The following DDR1 variants were observed in gnomAD, a reference collection of about 807,000 sequenced individuals.
DDR1 encodes the protein epithelial discoidin domain-containing receptor 1.
A neutral mutation model predicts 97.4 loss-of-function variants in DDR1; 64 were observed. The observed-to-expected ratio is 0.66, with a 90% confidence interval of 0.54 to 0.81. DDR1 has a LOEUF of 0.81. Ranked by LOEUF, DDR1 falls within the 30% of genes least tolerant of loss-of-function variation. The pLI is 0.00. For missense variants in DDR1, 990 were observed against 1,259.6 expected (o/e 0.79, Z 3.24); for synonymous variants, 458 against 503.7 (o/e 0.91, Z 1.21).
intron 1 of DDR1, among the ~76,000 whole-genome samples, chr6:30,887,957 AG>A (rs1322287229): frequency 6.6e-6 from 1 of 152,124 alleles, no homozygotes; most frequent in Non-Finnish European, 1.5e-5. Flanking sequence ...TGGGTCGAAG[AG>A]GATGTGCATT....
rs2150481790 is a variant in DDR1 at position 30,899,176 on chromosome 6, T to G, written c.2622T>G (p.Pro874=). The G allele has an allele frequency of 4.3e-6, 7 of 1,614,212 alleles. No homozygotes were observed. The highest frequency in any genetic ancestry group is 5.9e-6 in the Non-Finnish European group (7 of 1,180,016). ...TGCAGGTGTACCTGTCCCGGCCGCC[T>G]GCCTGCCCGCAGGGCCTATATGAGC... The part of the protein sequence containing the change: ...QGRQVYLSRP[P]ACPQGLYELM... The change falls in exon 18 of 18, where the codon CCT becomes CCG. Residue 874 remains proline, a synonymous_variant. Transcript: ENST00000376568.
In DDR1 at chr6:30,899,962, A is replaced by G; in HGVS notation, c.*666A>G. 1 of 565,192 alleles carries G rather than the reference A, an allele frequency of 1.8e-6. No individual in the cohort carries two copies. Among genetic ancestry groups the G allele is most frequent in the Non-Finnish European group, 3.4e-6 (1 of 291,978 alleles). 35.0% of individuals were successfully genotyped at this position (565,192 alleles called of 1,614,324 possible). A position where few individuals can be genotyped will look rare whatever the true frequency, so the allele number is the denominator to read the frequency against. On this transcript the variant is annotated 3_prime_UTR_variant, in exon 18 of 18. Coordinates refer to ENST00000376568, the MANE Select transcript of DDR1 (RefSeq NM_001297654.2). ...GTAAATATTGGGATTGGGGGGAAAG[A>G]GGGAGCAACGGCCCATAGCCTTGGG... is the stretch of plus-strand genomic sequence containing the variant.
chr6:30,895,559 T>A, intron 12 of DDR1, 45 bp downstream of exon 12: 1 of 1,256,540 alleles, frequency 8.0e-7, no homozygotes, highest in Non-Finnish European at 1.1e-6. Context: ...CCCATACCTC[T>A]ACTGGGGCAG....
rs757562862 is a variant in DDR1 at position 30,899,134 on chromosome 6, C to T, written c.2602-22C>T. 338 of 1,614,086 alleles carry T rather than the reference C, an allele frequency of 2.1e-4. 1 individual carries two copies. Among genetic ancestry groups the T allele is most frequent in the Non-Finnish European group, 2.8e-4 (330 of 1,180,024 alleles). On this transcript the variant is annotated intron_variant, in intron 17 of 17. Transcript: ENST00000376568. Reference sequence around the variant, plus strand: ...TAAAGAATATTTGTTCCCTGACTCTCATCCACACTGCCACAATGCAGGTGT... The same window carrying T: ...TAAAGAATATTTGTTCCCTGACTCTTATCCACACTGCCACAATGCAGGTGT...
At position 30,890,661 on chromosome 6, in the gene DDR1, G is replaced by A; in HGVS notation, c.418-312G>A. On this transcript the variant is annotated intron_variant, in intron 4 of 17. Transcript: ENST00000376568. This position sits in a 1 kb window ranked among gnomAD's most constrained non-coding sequence, Gnocchi z 5.0. ...CTGAGGCAGGGGTGCAGGGCTGTGA[G>A]GATTGGGGAGAATCTGGGCACAATG... The A allele has an allele frequency of 2.8e-6, 1 of 360,810 alleles. No homozygotes were observed. Among genetic ancestry groups the A allele is most frequent in the Non-Finnish European group, 4.9e-6 (1 of 202,776 alleles). 22.4% of individuals were successfully genotyped at this position (360,810 alleles called of 1,614,324 possible).
rs534121673 is a variant in DDR1, at chr6:30,888,609, C to A, written c.-42-79C>A. On this transcript the variant is annotated intron_variant, in intron 1 of 17. Transcript: ENST00000376568. This position sits in a 1 kb window ranked among gnomAD's most constrained non-coding sequence, Gnocchi z 4.2. ...TGTTTTACTGTTATTATCCCCAAAG[C>A]GGCCCATTCTGTCTGTTGCTGTCAG... 1.4e-6 allele frequency: 2 copies of A among 1,454,076 alleles called. No individual in the cohort carries two copies. Among genetic ancestry groups the A allele is most frequent in the Non-Finnish European group, 1.9e-6 (2 of 1,079,278 alleles). The allele number at this position is 1,454,076 out of a possible 1,614,324, so 90.1% of individuals were successfully genotyped here.
At position 30,886,481 on chromosome 6, in the gene DDR1, G is replaced by C. The variant is rs574897218; in HGVS notation, c.-43+1771G>C. ...CGTCCCCCTCAGCTGCTGCTTCAGAGCTCTGGGGTCTCAGCTGCCTCTTAC... is the reference window on the plus strand; with the variant it reads ...CGTCCCCCTCAGCTGCTGCTTCAGACCTCTGGGGTCTCAGCTGCCTCTTAC... On this transcript the variant is annotated intron_variant, in intron 1 of 17. Transcript: ENST00000376568. The surrounding 1 kb of genome is among the most constrained non-coding windows in gnomAD (Gnocchi z 4.6). Among the ~76,000 whole-genome samples, 17 of 152,322 alleles carry C rather than the reference G, an allele frequency of 1.1e-4. No homozygotes were observed. The highest frequency in any genetic ancestry group is 1.0e-3 in the Admixed American group (16 of 15,310).
intron 8 of DDR1, chr6:30,892,813 T>C (rs989961575): frequency 1.7e-6 from 1 of 585,758 alleles, no homozygotes; most frequent in African/African-American, 1.9e-5. Flanking sequence ...TACTTCTGTA[T>C]TAGTTGAGAA....
At chr6:30,896,465 G>A (rs1790788606) in intron 12 of DDR1, among the ~76,000 whole-genome samples, 156 bp from the exon 13 acceptor site, 1 of 152,118 alleles carries the variant, frequency 6.6e-6, no homozygotes, top group Admixed American at 6.5e-5. Context: ...CCTGGTTTGA[G>A]GTTGGCGCAT....
Position 30,888,760 on chromosome 6 carries a change from C to T in DDR1, c.31C>T (p.Leu11=), listed in dbSNP as rs967623918. 6.2e-7 allele frequency: 1 copy of T among 1,613,006 alleles called. No individual in the cohort carries two copies. Among genetic ancestry groups the T allele is most frequent in the Non-Finnish European group, 8.5e-7 (1 of 1,180,010 alleles). Reference sequence around the variant, plus strand: ...ACCAGAGGCCCTGTCATCTTTACTGCTGCTGCTCTTGGTGGCAAGTGGAGA... The same window carrying T: ...ACCAGAGGCCCTGTCATCTTTACTGTTGCTGCTCTTGGTGGCAAGTGGAGA... The part of the protein sequence containing the change: MGPEALSSLL[L]LLLVASGDAD... The change falls in exon 2 of 18, where the codon CTG becomes TTG. Residue 11 remains leucine (L), a synonymous_variant. Coordinates refer to ENST00000376568, the MANE Select transcript of DDR1 (RefSeq NM_001297654.2). The surrounding 1 kb of genome is among the most constrained non-coding windows in gnomAD (Gnocchi z 4.2).
At position 30,891,866 on chromosome 6, in the gene DDR1, G is replaced by A; in HGVS notation, c.666-136G>A. ...GAAGGGCCAGCTGCATGAGTGTGAG[G>A]TGGGATGGGAATGGGACTAGTGGAT... On this transcript the variant is annotated intron_variant, in intron 6 of 17. Transcript: ENST00000376568. This position sits in a 1 kb window ranked among gnomAD's most constrained non-coding sequence, Gnocchi z 5.3. The A allele has an allele frequency of 1.1e-6, 1 of 918,180 alleles. No homozygotes were observed. The highest frequency in any genetic ancestry group is 1.5e-5 in the South Asian group (1 of 66,858). 56.9% of individuals were successfully genotyped at this position (918,180 alleles called of 1,614,324 possible). A position where few individuals can be genotyped will look rare whatever the true frequency, so the allele number is the denominator to read the frequency against.
chr6:30,888,592 T>C lies in DDR1; in HGVS notation c.-42-96T>C. ...ACAATGACTGTTGTTGTTGTTTTACTGTTATTATCCCCAAAGCGGCCCATT... is the reference window on the plus strand; with the variant it reads ...ACAATGACTGTTGTTGTTGTTTTACCGTTATTATCCCCAAAGCGGCCCATT... On this transcript the variant is annotated intron_variant, in intron 1 of 17. Transcript: ENST00000376568. This position sits in a 1 kb window ranked among gnomAD's most constrained non-coding sequence, Gnocchi z 4.2. 1 of 1,342,238 alleles carries C rather than the reference T, an allele frequency of 7.5e-7. No individual in the cohort carries two copies. The highest frequency in any genetic ancestry group is 1.0e-6 in the Non-Finnish European group (1 of 992,106). 83.1% of individuals were successfully genotyped at this position (1,342,238 alleles called of 1,614,324 possible).
rs1562384812 is a variant in DDR1, at chr6:30,891,551, G to GTGTGTGTGTGTT, written c.665+78_665+79insTGTGTTTGTGTG. 1.1e-5 allele frequency: 10 copies of GTGTGTGTGTGTT among 951,356 alleles called. No homozygotes were observed. The African/African-American group carries it at 1.3e-4, about 12-fold the overall frequency. 58.9% of individuals were successfully genotyped at this position (951,356 alleles called of 1,614,324 possible). On this transcript the variant is annotated intron_variant, in intron 6 of 17. Coordinates refer to ENST00000376568, the MANE Select transcript of DDR1 (RefSeq NM_001297654.2). This position sits in a 1 kb window ranked among gnomAD's most constrained non-coding sequence, Gnocchi z 5.3. ...ACTGTGTGTGTGTGTGTGTGTGTGT[G>GTGTGTGTGTGTT]TGTGTGAGAGTGTGTGTGTGTAGGG...
rs768441514 is a variant in DDR1 at position 30,897,661 on chromosome 6, C to T, written c.2216+64C>T. 65 of 1,364,720 alleles carry T rather than the reference C, an allele frequency of 4.8e-5. No homozygotes were observed. The highest frequency in any genetic ancestry group is 6.1e-5 in the Non-Finnish European group (60 of 988,564). 84.5% of individuals were successfully genotyped at this position (1,364,720 alleles called of 1,614,324 possible). On this transcript the variant is annotated intron_variant, in intron 15 of 17. Transcript: ENST00000376568. This position sits in a 1 kb window ranked among gnomAD's most constrained non-coding sequence, Gnocchi z 5.2. Reference sequence around the variant, plus strand: ...CCCAGGGGATCTCCTCCTCTCCCCTCGCTTCAGCCTGGAGGAAAAGAGGGG... The same window carrying T: ...CCCAGGGGATCTCCTCCTCTCCCCTTGCTTCAGCCTGGAGGAAAAGAGGGG...
At chr6:30,893,958 T>A (rs891842881) in intron 10 of DDR1, among the ~76,000 whole-genome samples, 2 of 152,074 alleles carry the variant, frequency 1.3e-5, no homozygotes, top group Non-Finnish European at 2.9e-5. Context: ...TAATGTACAT[T>A]AAGGTTGATG....
Position 30,891,194 on chromosome 6 carries a change from A to G in DDR1, c.565+74A>G. The G allele has an allele frequency of 6.3e-7, 1 of 1,578,102 alleles. No homozygotes were observed. The highest frequency in any genetic ancestry group is 8.6e-7 in the Non-Finnish European group (1 of 1,158,618). Reference sequence around the variant, plus strand: ...AGGGTGGGGAGTGTGGAGAATGGGCATCCAGGATCCCTTCTCCTGCTGGGA... The same window carrying G: ...AGGGTGGGGAGTGTGGAGAATGGGCGTCCAGGATCCCTTCTCCTGCTGGGA... On this transcript the variant is annotated intron_variant, in intron 5 of 17. Transcript: ENST00000376568. This position sits in a 1 kb window ranked among gnomAD's most constrained non-coding sequence, Gnocchi z 5.3.
At chr6:30,884,089 C>T (rs1028999725), upstream of DDR1, 23 of 152,544 alleles carry the variant, frequency 1.5e-4, no homozygotes, top group African/African-American at 5.5e-4. This position sits in a 1 kb window ranked among gnomAD's most constrained non-coding sequence, Gnocchi z 6.1. Flanking sequence ...GGGGCGTCTT[C>T]CCCTCGTGGG....
chr6:30,892,008 G>A lies in DDR1; in HGVS notation c.672G>A (p.Gln224=). The A allele has an allele frequency of 6.2e-7, 1 of 1,614,020 alleles. No individual in the cohort carries two copies. Among genetic ancestry groups the A allele is most frequent in the Non-Finnish European group, 8.5e-7 (1 of 1,179,982 alleles). ...TYDGHTVGGL[Q]YGGLGQLADG... ...TTGGTCCCCTCTTCTCCAGACTGCAGTATGGGGGTCTGGGCCAGCTGGCAG... is the reference window on the plus strand; with the variant it reads ...TTGGTCCCCTCTTCTCCAGACTGCAATATGGGGGTCTGGGCCAGCTGGCAG... The change falls in exon 7 of 18, where the codon CAG becomes CAA. Residue 224 remains glutamine, a synonymous_variant. Transcript: ENST00000376568.
At chr6:30,887,210 T>G (rs954620194) in intron 1 of DDR1, 2 of 152,222 alleles carry the variant, frequency 1.3e-5, no homozygotes, top group Admixed American at 1.3e-4. Context: ...TCCAGGCTTA[T>G]CTGATGTTTA....
Sources: gnomAD v4.1 joint callset for allele counts (sites outside exome capture counted in the v4.1 genomes callset) on GRCh38, gnomAD v4.1.1 for gene constraint, Gnocchi (gnomAD v3.1) non-coding constraint, MANE v1.5 for transcripts, NCBI Gene and HGNC (gene_info 2026-07-23, HGNC 2026-07-21) for gene names.